The following STUM variants were observed in gnomAD, a reference collection of about 807,000 sequenced individuals.
STUM encodes the protein protein stum homolog.
A neutral mutation model predicts 15.3 loss-of-function variants in STUM; 8 were observed. The observed-to-expected ratio is 0.52, with a 90% CI of 0.31 to 0.94. STUM has a LOEUF of 0.94. Among genes scored for constraint, STUM ranks in the 40% least tolerant of loss-of-function variants. STUM has a pLI of 0.05. For missense variants in STUM, 142 were observed against 204.9 expected (o/e 0.69, Z 1.87); for synonymous variants, 78 against 88.7 (o/e 0.88, Z 0.68).
At position 226,600,617 on chromosome 1, in the gene STUM, T is replaced by TTC; in HGVS notation, c.383-40_383-39dup. The stretch of plus-strand genomic sequence containing the variant: ...TGTTTTCAGGCTGTGTTTTCTCTTC[T>TTC]TCTCTCTCTCCTCTTCCTCCTGCTG... On this transcript the variant is annotated intron_variant, in intron 2 of 3. Transcript: ENST00000366788. The surrounding 1 kb of genome is among the most constrained non-coding windows in gnomAD (Gnocchi z 5.2). 6.2e-7 allele frequency: 1 copy of TTC among 1,608,310 alleles called. No homozygotes were observed. The highest frequency in any genetic ancestry group is 1.1e-5 in the South Asian group (1 of 91,064).
Position 226,595,284 on chromosome 1 carries a change from T to G in STUM, c.203-1518T>G, listed in dbSNP as rs190379935. Reference sequence around the variant, plus strand: ...AGCAAAGAGGACATTCCCCTTCCTCTGCCTGTTTGTTCCTGCTAGGCCCCC... The same window carrying G: ...AGCAAAGAGGACATTCCCCTTCCTCGGCCTGTTTGTTCCTGCTAGGCCCCC... On this transcript the variant is annotated intron_variant, in intron 1 of 3. Transcript: ENST00000366788. 2.6e-5 allele frequency among the ~76,000 whole-genome samples: 4 copies of G among 152,298 alleles called. No homozygotes were observed. In the East Asian group the frequency reaches 7.7e-4, roughly 29 times the overall value.
intron 1 of STUM, among the ~76,000 whole-genome samples, chr1:226,579,439 C>T (rs1173276771): frequency 1.3e-5 from 2 of 152,132 alleles, no homozygotes; most frequent in Admixed American, 6.6e-5. Flanking sequence ...TGTGGTGCTT[C>T]CTGTCTCTTC....
At chr1:226,584,427 G>A (rs1398926383) in intron 1 of STUM, among the ~76,000 whole-genome samples, 1 of 152,232 alleles carries the variant, frequency 6.6e-6, no homozygotes, top group Non-Finnish European at 1.5e-5. Flanking sequence ...TTAGAGTTCA[G>A]TTTTAAGAGG....
rs1461920 is a variant in STUM, at chr1:226,606,824, A to G, written c.*4784A>G. Reference sequence around the variant, plus strand: ...TCTCCAGAGGGCTCAATGAGCAGCCAGGTAGTGGCCTCGGGCAGTCCTCAC... The same window carrying G: ...TCTCCAGAGGGCTCAATGAGCAGCCGGGTAGTGGCCTCGGGCAGTCCTCAC... On this transcript the variant is annotated 3_prime_UTR_variant, in exon 4 of 4. Coordinates refer to ENST00000366788, the MANE Select transcript of STUM (RefSeq NM_001003665.4). The G allele has an allele frequency of 0.32, 48,909 of 152,176 alleles. 8,173 individuals carry two copies. Among genetic ancestry groups the G allele is most frequent in the Middle Eastern group, 0.41 (122 of 294 alleles). The allele number at this position is 152,176 out of a possible 1,614,324, so 9.4% of individuals were successfully genotyped here. A position where few individuals can be genotyped will look rare whatever the true frequency, so the allele number is the denominator to read the frequency against.
intron 1 of STUM, among the ~76,000 whole-genome samples, chr1:226,586,337 C>T (rs552051060): frequency 8.5e-5 from 13 of 152,244 alleles, no homozygotes; most frequent in Admixed American, 5.2e-4. Context: ...GGCTGCCGAA[C>T]GCTTGGGGCA....
rs1436288895 is a variant in STUM, at chr1:226,552,466, A to T, written c.202+3360A>T. ...ATACCTGTAATGAAAGTTCATTGTTATGCCCCAACATGGCCAGAGAGTTTG... is the reference window on the plus strand; with the variant it reads ...ATACCTGTAATGAAAGTTCATTGTTTTGCCCCAACATGGCCAGAGAGTTTG... On this transcript the variant is annotated intron_variant, in intron 1 of 3. Coordinates refer to ENST00000366788, the MANE Select transcript of STUM (RefSeq NM_001003665.4). This position sits in a 1 kb window ranked among gnomAD's most constrained non-coding sequence, Gnocchi z 4.7. Among the ~76,000 whole-genome samples, 1 of 152,210 alleles carries T rather than the reference A, an allele frequency of 6.6e-6. No individual in the cohort carries two copies. Among genetic ancestry groups the T allele is most frequent in the South Asian group, 2.1e-4 (1 of 4,834 alleles).
chr1:226,573,703 A>G (rs1047756212), intron 1 of STUM, among the ~76,000 whole-genome samples: 5 of 152,168 alleles, frequency 3.3e-5, no homozygotes, highest in Non-Finnish European at 7.3e-5. Flanking sequence ...TGATATTTTG[A>G]TATACGTAGT....
intron 1 of STUM, among the ~76,000 whole-genome samples, chr1:226,576,480 T>G (rs187489377): frequency 5.7e-4 from 87 of 152,372 alleles, no homozygotes; most frequent in Non-Finnish European, 9.3e-4. Context: ...GGAGTGTATG[T>G]GTCCCAGGTA....
intron 1 of STUM, among the ~76,000 whole-genome samples, chr1:226,570,421 A>T (rs1044314654): frequency 2.0e-5 from 3 of 152,218 alleles, no homozygotes; most frequent in Admixed American, 1.3e-4. Flanking sequence ...CCTGTAAAAT[A>T]CAATAGAAAT....
chr1:226,579,047 A>T (rs1667870096), intron 1 of STUM, among the ~76,000 whole-genome samples: 1 of 152,096 alleles, frequency 6.6e-6, no homozygotes, highest in Admixed American at 6.6e-5. Context: ...CCTAAATTTG[A>T]TCAGGTTCAT....
chr1:226,575,003 G>C (rs554767026), intron 1 of STUM, among the ~76,000 whole-genome samples: 63 of 152,292 alleles, frequency 4.1e-4, no homozygotes, highest in Non-Finnish European at 7.8e-4. Flanking sequence ...CTTGCTGTCC[G>C]GGCTGCTGGC....
At chr1:226,597,971 G>A (rs925393003) in intron 2 of STUM, among the ~76,000 whole-genome samples, 8 of 152,208 alleles carry the variant, frequency 5.3e-5, no homozygotes, top group African/African-American at 1.9e-4. Flanking sequence ...GGAGGAATGA[G>A]CTGGGAAGCA....
intron 1 of STUM, among the ~76,000 whole-genome samples, chr1:226,554,388 A>G (rs1049105915): frequency 1.3e-5 from 2 of 152,222 alleles, no homozygotes; most frequent in Non-Finnish European, 2.9e-5. Context: ...GAATACCCCA[A>G]TCATATAAAA....
In STUM at chr1:226,607,207, T is replaced by C. The variant is rs1668376629; in HGVS notation, c.*5167T>C. 6.6e-6 allele frequency: 1 copy of C among 152,250 alleles called. No homozygotes were observed. Among genetic ancestry groups the C allele is most frequent in the Non-Finnish European group, 1.5e-5 (1 of 68,122 alleles). 9.4% of individuals were successfully genotyped at this position (152,250 alleles called of 1,614,324 possible). On this transcript the variant is annotated 3_prime_UTR_variant, in exon 4 of 4. Transcript: ENST00000366788. ...CTCAGGGGCCTGTGTTTTTCATCAA[T>C]CAGTTTTCTTCCTGCAAGATTCTTA... is the stretch of plus-strand genomic sequence containing the variant.
intron 1 of STUM, among the ~76,000 whole-genome samples, chr1:226,556,589 A>G (rs951237708): frequency 6.6e-6 from 1 of 152,204 alleles, no homozygotes; most frequent in East Asian, 1.9e-4. Context: ...ATGATGCCAC[A>G]AAGCATCATG....
chr1:226,598,539 G>A (rs1380635786), intron 2 of STUM, among the ~76,000 whole-genome samples: 1 of 152,198 alleles, frequency 6.6e-6, no homozygotes, highest in Non-Finnish European at 1.5e-5. Flanking sequence ...ACCCAGGAAC[G>A]AAGAGGTTGG....
chr1:226,562,590 A>G (rs1245544926), intron 1 of STUM, among the ~76,000 whole-genome samples: 1 of 152,208 alleles, frequency 6.6e-6, no homozygotes, highest in Non-Finnish European at 1.5e-5. Context: ...GAGGAACACA[A>G]TAGCACTTTT....
intron 1 of STUM, among the ~76,000 whole-genome samples, chr1:226,571,360 G>A (rs1437406306): frequency 3.3e-5 from 5 of 152,168 alleles, no homozygotes; most frequent in African/African-American, 4.8e-5. Context: ...CCATAACTTC[G>A]AAATAGTGAT....
At chr1:226,559,249 G>C (rs914542198) in intron 1 of STUM, among the ~76,000 whole-genome samples, 11 of 152,190 alleles carry the variant, frequency 7.2e-5, no homozygotes, top group African/African-American at 7.2e-5. Context: ...GCAATTTGCT[G>C]TTTGTGGAGA....
Sources: allele counts gnomAD v4.1 joint callset (sites outside exome capture counted in the v4.1 genomes callset), GRCh38; gene constraint gnomAD v4.1.1; non-coding constraint Gnocchi (gnomAD v3.1); transcripts MANE v1.5; gene names NCBI Gene and HGNC (gene_info 2026-07-23, HGNC 2026-07-21).